BMERB1: variants seen among roughly 807,000 people sequenced by gnomAD.
The protein encoded by BMERB1 is bMERB domain containing 1.
In BMERB1, 12 loss-of-function variants were observed where a neutral mutation model predicts 23.6. The observed-to-expected ratio is 0.51, with a 90% CI of 0.33 to 0.82. The LOEUF (loss-of-function observed/expected upper bound fraction) is 0.82. Among genes scored for constraint, BMERB1 ranks in the 40% least tolerant of loss-of-function variants. BMERB1 has a pLI of 0.03. For synonymous variants in BMERB1, 122 were observed against 96.6 expected, an observed-to-expected ratio of 1.26 and a Z score of -1.54; for missense variants, 247 against 255.4, an observed-to-expected ratio of 0.97 and a Z score of 0.22.
chr16:15,551,919 C>T lies in BMERB1; in HGVS notation c.231-16064C>T, dbSNP rs143394847. On this transcript the variant is annotated intron_variant, in intron 2 of 5. Transcript: ENST00000300006. ...CTGCACTCAAGCGATCCTCCTGCCT[C>T]GGCCTCCCTTAGTTCTGGGATAACA... is the stretch of plus-strand genomic sequence containing the variant. Among the ~76,000 whole-genome samples, 4 of 152,238 alleles carry T rather than the reference C, an allele frequency of 2.6e-5. 1 individual carries two copies. The East Asian group carries it at 7.7e-4, about 29-fold the overall frequency.
intron 1 of BMERB1, among the ~76,000 whole-genome samples, chr16:15,440,002 T>C (rs1204886208): frequency 6.6e-6 from 1 of 151,986 alleles, no homozygotes. Flanking sequence ...CCCAGCACTT[T>C]GGGAGGCTGA....
intron 2 of BMERB1, among the ~76,000 whole-genome samples, chr16:15,517,597 C>A (rs34629185): frequency 0.24 from 35,443 of 148,846 alleles, 5,338 homozygotes; most frequent in East Asian, 0.51. Context: ...AAAAAAAAAA[C>A]TACAAAAATA....
intron 2 of BMERB1, among the ~76,000 whole-genome samples, chr16:15,520,677 C>T (rs890231800): frequency 6.6e-6 from 1 of 151,828 alleles, no homozygotes; most frequent in African/African-American, 2.4e-5. Context: ...TTAGTAGAGA[C>T]GGGGTTTCAC....
intron 1 of BMERB1, among the ~76,000 whole-genome samples, chr16:15,499,853 A>C (rs552446515): frequency 4.6e-5 from 7 of 152,306 alleles, no homozygotes; most frequent in Admixed American, 3.9e-4. Flanking sequence ...AGCTCATCAA[A>C]GACCTTCCAG....
At chr16:15,555,826 G>T (rs1320079944) in intron 2 of BMERB1, among the ~76,000 whole-genome samples, 1 of 152,142 alleles carries the variant, frequency 6.6e-6, no homozygotes, top group East Asian at 1.9e-4. Flanking sequence ...TGAATCCTAC[G>T]AAAGCTGAAC....
chr16:15,498,724 GGAGA>G (rs1598473447), intron 1 of BMERB1, among the ~76,000 whole-genome samples: 1 of 152,102 alleles, frequency 6.6e-6, no homozygotes, highest in Non-Finnish European at 1.5e-5. Context: ...AAGGAAAGAA[GGAGA>G]AAGACTCTGA....
At chr16:15,564,814 C>T (rs2030519681) in intron 2 of BMERB1, among the ~76,000 whole-genome samples, 1 of 152,168 alleles carries the variant, frequency 6.6e-6, no homozygotes, top group Non-Finnish European at 1.5e-5. Context: ...CAGTTTAGGA[C>T]CTGCTGCCAT....
intron 3 of BMERB1, among the ~76,000 whole-genome samples, chr16:15,575,826 C>T (rs2030843704): frequency 6.6e-6 from 1 of 151,718 alleles, no homozygotes; most frequent in South Asian, 2.1e-4. Context: ...TTTGCAGTTG[C>T]TTTCTGCGAC....
intron 1 of BMERB1, among the ~76,000 whole-genome samples, chr16:15,507,856 A>G (rs1221781610): frequency 6.6e-6 from 1 of 152,162 alleles, no homozygotes; most frequent in Non-Finnish European, 1.5e-5. Context: ...ACCCAGGTTT[A>G]TCCTAATCCT....
At chr16:15,495,983 T>C (rs1223772042) in intron 1 of BMERB1, among the ~76,000 whole-genome samples, 1 of 151,956 alleles carries the variant, frequency 6.6e-6, no homozygotes, top group East Asian at 1.9e-4. Context: ...ATGATGATGA[T>C]AGTGATGTTG....
At chr16:15,527,093 TTAC>T (rs926658373) in intron 2 of BMERB1, among the ~76,000 whole-genome samples, 7 of 151,898 alleles carry the variant, frequency 4.6e-5, no homozygotes, top group African/African-American at 1.7e-4. Context: ...TATATAATAT[TTAC>T]TATCTGAAAC....
intron 3 of BMERB1, among the ~76,000 whole-genome samples, chr16:15,576,284 T>TG: frequency 6.6e-6 from 1 of 152,192 alleles, no homozygotes; most frequent in East Asian, 1.9e-4. Flanking sequence ...CCTGATCTCG[T>TG]GATCTGCCCG....
intron 1 of BMERB1, among the ~76,000 whole-genome samples, chr16:15,468,678 G>A (rs1489939315): frequency 1.3e-5 from 2 of 152,030 alleles, no homozygotes; most frequent in Non-Finnish European, 2.9e-5. Flanking sequence ...CAGAGCAAAG[G>A]TTTTTAATTT....
At chr16:15,503,018 G>C (rs1203811655) in intron 1 of BMERB1, among the ~76,000 whole-genome samples, 1 of 152,166 alleles carries the variant, frequency 6.6e-6, no homozygotes, top group African/African-American at 2.4e-5. Context: ...CCAAGCACAT[G>C]TTGTATACAG....
intron 1 of BMERB1, among the ~76,000 whole-genome samples, chr16:15,486,210 A>C (rs1282399556): frequency 2.0e-5 from 3 of 152,020 alleles, no homozygotes; most frequent in African/African-American, 4.8e-5. Flanking sequence ...TCAAAAAAAA[A>C]AAAAAAAAGC....
Position 15,469,348 on chromosome 16 carries a change from G to T in BMERB1, c.106+34589G>T, listed in dbSNP as rs192961270. Among the ~76,000 whole-genome samples, 313 of 152,242 alleles carry T rather than the reference G, an allele frequency of 2.1e-3. 3 individuals carry two copies. The highest frequency in any genetic ancestry group is 5.3e-3 in the Admixed American group (81 of 15,276). ...TCTGTTCTGTTCCCTCAATCTATAT[G>T]TGTATTCTTCCACCAGTAACACAGT... On this transcript the variant is annotated intron_variant, in intron 1 of 5. Coordinates refer to ENST00000300006, the MANE Select transcript of BMERB1 (RefSeq NM_033201.3).
At position 15,480,657 on chromosome 16, in the gene BMERB1, C is replaced by T. The variant is rs1421282646; in HGVS notation, c.107-34648C>T. Among the ~76,000 whole-genome samples the T allele has an allele frequency of 8.3e-5, 11 of 131,912 alleles. No individual in the cohort carries two copies. In the East Asian group the frequency reaches 1.1e-3, roughly 14 times the overall value. 86.5% of individuals were successfully genotyped at this position (131,912 alleles called of 152,430 possible). On this transcript the variant is annotated intron_variant, in intron 1 of 5. Coordinates refer to ENST00000300006, the MANE Select transcript of BMERB1 (RefSeq NM_033201.3). ...GAGACAGAGTCTCACTCTGTCACCC[C>T]GGCTGGAGTGCAGTGGCACGATCTC...
At chr16:15,480,652 C>A in intron 1 of BMERB1, among the ~76,000 whole-genome samples, 1 of 114,214 alleles carries the variant, frequency 8.8e-6, no homozygotes, top group Non-Finnish European at 1.7e-5. Flanking sequence ...CTCACTCTGT[C>A]ACCCCGGCTG....
At chr16:15,476,999 C>A (rs1377285948) in intron 1 of BMERB1, among the ~76,000 whole-genome samples, 1 of 152,166 alleles carries the variant, frequency 6.6e-6, no homozygotes, top group African/African-American at 2.4e-5. Flanking sequence ...AAAAAAATTT[C>A]TCTATAATCT....
Sources: gnomAD v4.1 joint callset for allele counts (sites outside exome capture counted in the v4.1 genomes callset) on GRCh38, gnomAD v4.1.1 for gene constraint, MANE v1.5 for transcripts, NCBI Gene and HGNC (gene_info 2026-07-23, HGNC 2026-07-21) for gene names.